Variants in ZFP64 observed in about 807,000 individuals in gnomAD.
ZFP64 encodes the protein zinc finger protein 64.
In ZFP64, 14 loss-of-function variants were observed where a neutral mutation model predicts 51.6. That is an observed-to-expected ratio of 0.27 (90% CI 0.18 to 0.42). The LOEUF is 0.42. ZFP64 is among the 10% of genes least tolerant of loss of function. The probability of loss-of-function intolerance (pLI) is 1.00; values close to 1 mark genes in which losing one functional copy is unlikely to be tolerated. For synonymous variants in ZFP64, 375 were observed against 361.4 expected (o/e 1.04, Z -0.43); for missense variants, 754 against 906.8 (o/e 0.83, Z 2.16).
chr20:52,122,278 G>A (rs186679352), intron 5 of ZFP64, among the ~76,000 whole-genome samples: 6 of 152,140 alleles, frequency 3.9e-5, no homozygotes, highest in Admixed American at 2.6e-4. Flanking sequence ...AGGCCGAGGC[G>A]GGTGGATCAC....
intron 5 of ZFP64, among the ~76,000 whole-genome samples, chr20:52,157,047 T>C (rs957365339): frequency 6.6e-6 from 1 of 152,194 alleles, no homozygotes; most frequent in Non-Finnish European, 1.5e-5. Context: ...CAGCCAGCTT[T>C]CCCAAGTAAG....
At chr20:52,134,103 T>G (rs1017923695) in intron 5 of ZFP64, among the ~76,000 whole-genome samples, 1 of 150,366 alleles carries the variant, frequency 6.7e-6, no homozygotes, top group Non-Finnish European at 1.5e-5. Context: ...CACTGAGAAC[T>G]AAATGCTAAG....
intron 5 of ZFP64, among the ~76,000 whole-genome samples, chr20:52,126,765 T>C (rs973481500): frequency 6.6e-6 from 1 of 152,162 alleles, no homozygotes; most frequent in Admixed American, 6.5e-5. Flanking sequence ...TTATGCCTTT[T>C]ATGCACCGTC....
At chr20:52,147,424 G>A (rs985793706), downstream of ZFP64, among the ~76,000 whole-genome samples, 3 of 152,132 alleles carry the variant, frequency 2.0e-5, no homozygotes, top group Admixed American at 2.0e-4. Flanking sequence ...TAGGGACACA[G>A]CAAGGATGCC....
At chr20:52,107,467 C>A (rs1978335998) in intron 5 of ZFP64, among the ~76,000 whole-genome samples, 1 of 152,140 alleles carries the variant, frequency 6.6e-6, no homozygotes, top group Non-Finnish European at 1.5e-5. Context: ...ATATGGCCTC[C>A]TGATGTCCCC....
rs767372174 is a variant in ZFP64 at position 52,085,256 on chromosome 20, G to A, written c.1239C>T (p.Pro413=). Residue 413 remains proline (P), a synonymous_variant, in exon 9 of 9, where the codon CCC becomes CCT. Coordinates refer to the ZFP64 transcript ENST00000361387. The surrounding 1 kb of genome is among the most constrained non-coding windows in gnomAD (Gnocchi z 4.3). ...TGGCGCTACAGAGCCAGCACTGGAA[G>A]GGGGTATCCCCTAGCAATGGAAGGT... 1.9e-6 allele frequency: 3 copies of A among 1,611,994 alleles called. No individual in the cohort carries two copies. The African/African-American group carries it at 4.0e-5, about 22-fold the overall frequency.
At chr20:52,084,612 G>T (rs2122680539) in exon 9 of ZFP64, 2 of 1,614,158 alleles carry the variant, frequency 1.2e-6, no homozygotes, top group South Asian at 1.1e-5. Flanking sequence ...GGAGACCAGG[G>T]TGCTGAGCTG....
In ZFP64 at chr20:52,106,871, C is replaced by A. The variant is rs144589443; in HGVS notation, c.764-8284G>T. ...CAGCACTTTGGGAGGCCGAGGTGGGCGGATCACATGAGGTTAGGAGTTCTA... is the reference window on the plus strand; with the variant it reads ...CAGCACTTTGGGAGGCCGAGGTGGGAGGATCACATGAGGTTAGGAGTTCTA... On this transcript the variant is annotated intron_variant, in intron 5 of 8. Transcript: ENST00000361387. Among the ~76,000 whole-genome samples the A allele has an allele frequency of 7.3e-3, 1,107 of 152,156 alleles. 8 individuals carry two copies. The highest frequency in any genetic ancestry group is 0.02 in the Middle Eastern group (6 of 294).
intron 8 of ZFP64, chr20:52,088,220 AGTT>A (rs566065299): frequency 1.0e-3 from 1,082 of 1,086,020 alleles, no homozygotes; most frequent in Non-Finnish European, 1.3e-3. Context: ...TTTTACCAAA[AGTT>A]GTTGTTCCGG....
chr20:52,104,452 C>G (rs961212472), intron 5 of ZFP64, among the ~76,000 whole-genome samples: 1 of 152,234 alleles, frequency 6.6e-6, no homozygotes. Context: ...GACAGCATCA[C>G]TGCTCTATCC....
At chr20:52,127,278 C>T (rs748435390) in intron 5 of ZFP64, among the ~76,000 whole-genome samples, 9 of 151,230 alleles carry the variant, frequency 6.0e-5, no homozygotes, top group East Asian at 1.9e-4. Flanking sequence ...GGAAGTGATA[C>T]GGTTAGAAAT....
At chr20:52,125,688 C>T (rs767171400) in intron 5 of ZFP64, among the ~76,000 whole-genome samples, 2 of 152,074 alleles carry the variant, frequency 1.3e-5, no homozygotes, top group Non-Finnish European at 2.9e-5. Flanking sequence ...TCACTATCTT[C>T]CACTGAGATG....
intron 5 of ZFP64, among the ~76,000 whole-genome samples, chr20:52,145,244 C>T (rs919844784): frequency 5.3e-5 from 8 of 152,314 alleles, no homozygotes; most frequent in Admixed American, 2.0e-4. Flanking sequence ...AGAAATAGGG[C>T]GTAGCCTATG....
chr20:52,084,460 G>C (rs2078842335), exon 9 of ZFP64: 2 of 1,242,288 alleles, frequency 1.6e-6, no homozygotes, highest in African/African-American at 3.0e-5. Context: ...CCCCAGAAGT[G>C]GTGCCCAAAG....
intron 5 of ZFP64, among the ~76,000 whole-genome samples, chr20:52,120,437 T>C (rs773216909): frequency 9.2e-5 from 14 of 152,226 alleles, no homozygotes; most frequent in Non-Finnish European, 2.1e-4. Flanking sequence ...AGGGCATCGA[T>C]AGATGGCTCA....
intron 6 of ZFP64, chr20:52,097,570 T>C: frequency 1.3e-6 from 1 of 760,386 alleles, no homozygotes; most frequent in Non-Finnish European, 2.1e-6. Context: ...TTACCCTGTT[T>C]CAGCCTCCTG....
chr20:52,110,172 T>A (rs1978482837), intron 5 of ZFP64, among the ~76,000 whole-genome samples: 1 of 152,088 alleles, frequency 6.6e-6, no homozygotes, highest in African/African-American at 2.4e-5. Context: ...GCTAGAGACA[T>A]CCCAAGCATG....
At chr20:52,159,928 T>G (rs1318492442) in intron 5 of ZFP64, among the ~76,000 whole-genome samples, 195 bp downstream of exon 5, 2 of 152,054 alleles carry the variant, frequency 1.3e-5, no homozygotes, top group South Asian at 2.1e-4. Context: ...TGAGCTGAGA[T>G]AGCGCCACTG....
intron 5 of ZFP64, among the ~76,000 whole-genome samples, chr20:52,118,067 G>T (rs531873116): frequency 1.8e-4 from 27 of 152,158 alleles, no homozygotes; most frequent in African/African-American, 3.6e-4. Context: ...CAAAATGCTG[G>T]GATTACAGGC....
Sources: gnomAD v4.1 joint callset for allele counts (sites outside exome capture counted in the v4.1 genomes callset) on GRCh38, gnomAD v4.1.1 for gene constraint, Gnocchi (gnomAD v3.1) non-coding constraint, MANE v1.5 for transcripts, NCBI Gene and HGNC (gene_info 2026-07-23, HGNC 2026-07-21) for gene names.